Variants in SPTBN4 observed in about 807,000 individuals in gnomAD.
SPTBN4 encodes spectrin beta chain, non-erythrocytic 4.
In SPTBN4, 96 loss-of-function variants were observed where a neutral mutation model predicts 277.8. The ratio of observed to expected loss-of-function variants is 0.35; its 90% confidence interval spans 0.29 to 0.41. The LOEUF is 0.41. SPTBN4 is among the 10% of genes least tolerant of loss of function. The pLI is 1.00. For synonymous variants in SPTBN4, 1,481 were observed against 1,580.3 expected, an observed-to-expected ratio of 0.94 and a Z score of 1.49; for missense variants, 3,006 against 3,595.7, an observed-to-expected ratio of 0.84 and a Z score of 4.19.
At chr19:40,549,847 G>A (rs542622005) in intron 21 of SPTBN4, among the ~76,000 whole-genome samples, 1 of 152,306 alleles carries the variant, frequency 6.6e-6, no homozygotes, top group East Asian at 1.9e-4. Context: ...AGAGTCCAAC[G>A]GGGAAAACAG....
At chr19:40,504,859 A>AG (rs927187890) in intron 12 of SPTBN4, among the ~76,000 whole-genome samples, 1 of 151,944 alleles carries the variant, frequency 6.6e-6, no homozygotes, top group African/African-American at 2.4e-5. Context: ...TTCAAAAAAA[A>AG]AGAGAGAAAT....
intron 7 of SPTBN4, among the ~76,000 whole-genome samples, chr19:40,498,401 ATTTATTTATTTATTTATTTT>A (rs1250176568): frequency 5.4e-5 from 8 of 149,064 alleles, no homozygotes; most frequent in African/African-American, 2.0e-4. Flanking sequence ...TTATTTATTT[ATTTATTTATTTATTTATTTT>A]TTTAGATGGA....
intron 20 of SPTBN4, among the ~76,000 whole-genome samples, chr19:40,535,474 G>A (rs1430423547): frequency 6.6e-6 from 1 of 151,328 alleles, no homozygotes; most frequent in Non-Finnish European, 1.5e-5. Flanking sequence ...GCAAAGCCTG[G>A]ATTTCAGTCC....
At chr19:40,523,145 CA>C (rs1002152666) in intron 16 of SPTBN4, among the ~76,000 whole-genome samples, 75 of 152,144 alleles carry the variant, frequency 4.9e-4, no homozygotes, top group African/African-American at 1.6e-3. Context: ...CCCTCCCTGC[CA>C]AAAAGAAATA....
chr19:40,543,976 C>T (rs1021807852), intron 20 of SPTBN4, among the ~76,000 whole-genome samples: 4 of 152,126 alleles, frequency 2.6e-5, no homozygotes, highest in African/African-American at 9.7e-5. Context: ...CGCCTTCATC[C>T]CTGTTCCCCA....
chr19:40,497,562 G>A lies in SPTBN4; in HGVS notation c.742G>A (p.Ala248Thr). 1 of 1,614,070 alleles carries A rather than the reference G, an allele frequency of 6.2e-7. No homozygotes were observed. The highest frequency in any genetic ancestry group is 1.3e-5 in the African/African-American group (1 of 75,046). ...NYNLQRAFRT[A>T]EQHLGLARLL... Reference sequence around the variant, plus strand: ...CAACCTGCAGAGAGCCTTCCGCACAGCTGAGCAGCACCTGGGGCTGGCGCG... The same window carrying A: ...CAACCTGCAGAGAGCCTTCCGCACAACTGAGCAGCACCTGGGGCTGGCGCG... The change falls in exon 7 of 36, where the codon GCT becomes ACT. Residue 248 changes from alanine (A) to threonine (T), a missense_variant. Around this residue, in one of 5 missense-constraint regions of SPTBN4, gnomAD observed 1,759 missense variants for 2,061.5 expected, o/e 0.85. Transcript: ENST00000598249.
chr19:40,481,267 G>T (rs900341522), intron 2 of SPTBN4, among the ~76,000 whole-genome samples: 1 of 152,098 alleles, frequency 6.6e-6, no homozygotes, highest in Non-Finnish European at 1.5e-5. Flanking sequence ...TGTTGCTCAG[G>T]CTGGTCTCCA....
chr19:40,573,246 A>G (rs1181023044), intron 35 of SPTBN4, among the ~76,000 whole-genome samples: 1 of 152,124 alleles, frequency 6.6e-6, no homozygotes, highest in East Asian at 1.9e-4. Flanking sequence ...AGGGAGGTCA[A>G]GGCTACAATG....
At chr19:40,470,326 G>A (rs974755306) in intron 1 of SPTBN4, among the ~76,000 whole-genome samples, 1 of 151,702 alleles carries the variant, frequency 6.6e-6, no homozygotes, top group African/African-American at 2.4e-5. Context: ...TTTTGTTTGA[G>A]ATGGTGTCTC....
chr19:40,479,232 T>C (rs1189321575), intron 2 of SPTBN4, among the ~76,000 whole-genome samples: 1 of 152,052 alleles, frequency 6.6e-6, no homozygotes, highest in African/African-American at 2.4e-5. Context: ...GATGGGAGCA[T>C]CACTTGAGCC....
Position 40,512,973 on chromosome 19 carries a change from C to T in SPTBN4, c.2184C>T (p.Ala728=), listed in dbSNP as rs1321009112. The T allele has an allele frequency of 4.2e-6, 6 of 1,411,968 alleles. No homozygotes were observed. Among genetic ancestry groups the T allele is most frequent in the African/African-American group, 1.5e-5 (1 of 65,896 alleles). The allele number at this position is 1,411,968 out of a possible 1,614,324, so 87.5% of individuals were successfully genotyped here. The change falls in exon 14 of 36, where the codon GCC becomes GCT. Residue 728 remains alanine, a synonymous_variant. Coordinates refer to ENST00000598249, the MANE Select transcript of SPTBN4 (RefSeq NM_020971.3). ...GGTGTGGCGAGGAGCTGGTTGCGGC[C>T]GGCGGTGCCGTCGGCCCGGGAGCAG... is the stretch of plus-strand genomic sequence containing the variant. ...ALRCGEELVA[A]GGAVGPGADT... is the part of the protein sequence containing the mutation.
chr19:40,520,926 A>G (rs1038011411), intron 16 of SPTBN4, among the ~76,000 whole-genome samples: 3 of 151,286 alleles, frequency 2.0e-5, no homozygotes, highest in African/African-American at 7.3e-5. Flanking sequence ...GTGGTCCCCA[A>G]TCTTTTTTTT....
In SPTBN4 at chr19:40,482,854, G is replaced by C. The variant is rs373735488; in HGVS notation, c.170-4843G>C. On this transcript the variant is annotated intron_variant, in intron 2 of 35. Transcript: ENST00000598249. ...CGCATGCCTGTAATCCCAGCTACTC[G>C]GGAGGCTGAGGCAGGAGAATTGCTT... Among the ~76,000 whole-genome samples, 52 of 152,108 alleles carry C rather than the reference G, an allele frequency of 3.4e-4. 2 individuals are homozygous for C. In the South Asian group the frequency reaches 0.01, roughly 30 times the overall value.
At chr19:40,525,320 CTTTTTTTTT>C (rs34066431) in intron 17 of SPTBN4, among the ~76,000 whole-genome samples, 1 of 130,638 alleles carries the variant, frequency 7.7e-6, no homozygotes, top group African/African-American at 2.9e-5. Context: ...CTTTGTTCCA[CTTTTTTTTT>C]TTTTTTTTTT....
In SPTBN4 at chr19:40,472,717, G is replaced by C. The variant is rs1230516341; in HGVS notation, c.96G>C (p.Trp32Cys). ...GCTGGGAGAGTCCGGATCGGGGCTGGGAGCGGGAGCAGCCGGCTGCGTCCA... is the reference window on the plus strand; with the variant it reads ...GCTGGGAGAGTCCGGATCGGGGCTGCGAGCGGGAGCAGCCGGCTGCGTCCA... ...AARWESPDRG[W>C]EREQPAASTA... is the part of the protein sequence containing the mutation. Residue 32 changes from tryptophan to cysteine, a missense_variant, in exon 2 of 36, where the codon TGG becomes TGC. Around this residue, in one of 5 missense-constraint regions of SPTBN4, gnomAD observed 78 missense variants for 65.7 expected, o/e 1.19. Coordinates refer to ENST00000598249, the MANE Select transcript of SPTBN4 (RefSeq NM_020971.3). 1 of 1,611,444 alleles carries C rather than the reference G, an allele frequency of 6.2e-7. No individual in the cohort carries two copies. The highest frequency in any genetic ancestry group is 2.2e-5 in the East Asian group (1 of 44,846).
At chr19:40,543,975 C>T (rs2080828154) in intron 20 of SPTBN4, among the ~76,000 whole-genome samples, 1 of 152,174 alleles carries the variant, frequency 6.6e-6, no homozygotes, top group Non-Finnish European at 1.5e-5. Context: ...TCGCCTTCAT[C>T]CCTGTTCCCC....
chr19:40,535,924 C>T (rs912009651), intron 20 of SPTBN4, among the ~76,000 whole-genome samples: 4 of 152,028 alleles, frequency 2.6e-5, no homozygotes, highest in Admixed American at 2.6e-4. Context: ...TGCATCATTG[C>T]ACTCCAGCCT....
In SPTBN4 at chr19:40,532,730, G is replaced by A; in HGVS notation, c.4054G>A (p.Glu1352Lys). ...GCTCCGGCACCAGGCATTCATGGCC[G>A]AGCTGGCTCAGAATAAGGAGTGGCT... is the stretch of plus-strand genomic sequence containing the variant. ...RWLRHQAFMA[E>K]LAQNKEWLEK... The change falls in exon 19 of 36, where the codon GAG becomes AAG. Residue 1352 changes from glutamate (E) to lysine (K), a missense_variant. Physicochemically the swap from Glu to Lys is moderately conservative, Grantham distance 56 (BLOSUM62 1). This residue lies in a region of SPTBN4 where 1,759 missense variants were observed against 2,061.5 expected (regional missense o/e 0.85). Transcript: ENST00000598249. The A allele has an allele frequency of 1.2e-6, 2 of 1,613,462 alleles. No individual in the cohort carries two copies. Among genetic ancestry groups the A allele is most frequent in the Non-Finnish European group, 1.7e-6 (2 of 1,179,598 alleles).
rs767875064 is a variant in SPTBN4, at chr19:40,560,147, C to T, written c.5671-12C>T. The T allele has an allele frequency of 6.3e-6, 10 of 1,586,258 alleles. No homozygotes were observed. In the South Asian group the frequency reaches 1.1e-4, roughly 18 times the overall value. On this transcript the variant is annotated splice_polypyrimidine_tract_variant and intron_variant, in intron 26 of 35. Transcript: ENST00000598249. The surrounding 1 kb of genome is among the most constrained non-coding windows in gnomAD (Gnocchi z 5.2). ...CGTGGAGGGCTGGCGCCCGACCTGGCATGCCCTTCAGGTACGGCAGCTGCA... is the reference window on the plus strand; with the variant it reads ...CGTGGAGGGCTGGCGCCCGACCTGGTATGCCCTTCAGGTACGGCAGCTGCA...
Sources: gnomAD v4.1 joint callset for allele counts (sites outside exome capture counted in the v4.1 genomes callset) on GRCh38, gnomAD v4.1.1 for gene constraint, gnomAD v4.1.1 regional missense constraint, Gnocchi (gnomAD v3.1) non-coding constraint, MANE v1.5 for transcripts, NCBI Gene and HGNC (gene_info 2026-07-23, HGNC 2026-07-21) for gene names.